The following DIP2C variants were observed in gnomAD, a reference collection of about 807,000 sequenced individuals.
DIP2C encodes the protein DIP2 acetate--CoA ligase C (putative), also known as disco-interacting protein 2 homolog C.
A neutral mutation model predicts 192.4 loss-of-function variants in DIP2C; 33 were observed. The ratio of observed to expected loss-of-function variants is 0.17; its 90% CI spans 0.13 to 0.23. The LOEUF is 0.23. DIP2C is among the 10% of genes least tolerant of loss of function. The pLI, the probability that DIP2C is intolerant of heterozygous loss-of-function variation, is 1.00. For synonymous variants in DIP2C, 979 were observed against 864.1 expected, an observed-to-expected ratio of 1.13 and a Z score of -2.33; for missense variants, 1,537 against 2,110.1, an observed-to-expected ratio of 0.73 and a Z score of 5.32.
intron 6 of DIP2C, among the ~76,000 whole-genome samples, chr10:417,842 AC>A (rs1281834914): frequency 1.8e-5 from 1 of 54,638 alleles, no homozygotes; most frequent in African/African-American, 1.3e-4. Flanking sequence ...CTCCCTGTCC[AC>A]CTGCACCTGT....
chr10:485,049 C>T, intron 2 of DIP2C: 1 of 1,404,642 alleles, frequency 7.1e-7, no homozygotes, highest in Non-Finnish European at 9.5e-7. Context: ...GGACAGCACA[C>T]AGACCACCAA....
chr10:550,452 G>A (rs1848525091), intron 1 of DIP2C, among the ~76,000 whole-genome samples: 1 of 152,184 alleles, frequency 6.6e-6, no homozygotes, highest in Non-Finnish European at 1.5e-5. Flanking sequence ...CACCGCAGAA[G>A]GATCTATGGA....
intron 7 of DIP2C, among the ~76,000 whole-genome samples, chr10:414,430 T>G (rs1965403146): frequency 6.6e-6 from 1 of 152,174 alleles, no homozygotes. Flanking sequence ...TGCTGAAATT[T>G]CCATTACCAA....
chr10:496,015 G>A (rs1347973110), intron 1 of DIP2C, among the ~76,000 whole-genome samples: 1 of 139,426 alleles, frequency 7.2e-6, no homozygotes, highest in Non-Finnish European at 1.5e-5. Flanking sequence ...AGAACCCACG[G>A]TGCCCTCCTG....
At chr10:372,343 G>A (rs1325150015) in intron 17 of DIP2C, among the ~76,000 whole-genome samples, 1 of 152,154 alleles carries the variant, frequency 6.6e-6, no homozygotes, top group African/African-American at 2.4e-5. Flanking sequence ...CCAAGGTGTT[G>A]GAATTACAGG....
chr10:420,871 C>A (rs973953798), intron 5 of DIP2C, among the ~76,000 whole-genome samples: 2 of 152,290 alleles, frequency 1.3e-5, no homozygotes, highest in African/African-American at 4.8e-5. Flanking sequence ...ACTTCTGTCC[C>A]TTGCCGGAGG....
intron 1 of DIP2C, among the ~76,000 whole-genome samples, chr10:640,691 A>G (rs1855130842): frequency 6.7e-6 from 1 of 149,572 alleles, no homozygotes; most frequent in Non-Finnish European, 1.5e-5. Flanking sequence ...GCGCGCGGGG[A>G]AGAGGCTGCG....
At chr10:436,113 G>C (rs1199623918) in intron 4 of DIP2C, among the ~76,000 whole-genome samples, 2 of 152,244 alleles carry the variant, frequency 1.3e-5, no homozygotes, top group South Asian at 2.1e-4. Flanking sequence ...ATTCAGTTCA[G>C]ACCGGGCGCA....
At position 382,668 on chromosome 10, in the gene DIP2C, G is replaced by A. The variant is rs763243915; in HGVS notation, c.1970C>T (p.Ala657Val). 1.2e-6 allele frequency: 2 copies of A among 1,613,788 alleles called. No homozygotes were observed. Among genetic ancestry groups the A allele is most frequent in the Admixed American group, 3.3e-5 (2 of 59,986 alleles). The change falls in exon 17 of 37, where the codon GCC (alanine) becomes GTC (valine). Residue 657 changes from alanine to valine, a missense_variant. This residue lies in a region of DIP2C where 677 missense variants were observed against 989.9 expected (regional missense o/e 0.68). Coordinates refer to ENST00000280886, the MANE Select transcript of DIP2C (RefSeq NM_014974.3). Reference protein sequence around the residue: ...VICPCASSPEALTVAIRRPTD... With the variant: ...VICPCASSPEVLTVAIRRPTD... The stretch of plus-strand genomic sequence containing the variant: ...GTACCTCCGGATGGCCACAGTGAGG[G>A]CCTCTGGCGAGCTGGCACAAGGACA...
At chr10:360,256 CCTCACT>C (rs1401321087) in intron 22 of DIP2C, among the ~76,000 whole-genome samples, 2 of 152,190 alleles carry the variant, frequency 1.3e-5, no homozygotes, top group African/African-American at 4.8e-5. Context: ...TCTAGCTGCA[CCTCACT>C]CTCAAAGTCT....
At chr10:294,521 G>A (rs1283896523) in intron 32 of DIP2C, among the ~76,000 whole-genome samples, 1 of 151,702 alleles carries the variant, frequency 6.6e-6, no homozygotes, top group Non-Finnish European at 1.5e-5. Context: ...CTGAGTTTGT[G>A]AGGCAGAGGT....
At chr10:409,060 C>T (rs558554765) in intron 8 of DIP2C, 43 bp from the exon 9 acceptor site, 63 of 1,593,770 alleles carry the variant, frequency 4.0e-5, no homozygotes, top group East Asian at 1.8e-4. Flanking sequence ...TTAAACCATA[C>T]GGAGAGCACA....
intron 1 of DIP2C, among the ~76,000 whole-genome samples, chr10:565,763 G>A (rs1319534462): frequency 6.6e-6 from 1 of 152,242 alleles, no homozygotes; most frequent in Admixed American, 6.5e-5. Context: ...GCGTAACGGA[G>A]TCGAGCGCAG....
intron 1 of DIP2C, among the ~76,000 whole-genome samples, chr10:615,837 CCCAAA>C (rs1853435804): frequency 1.3e-5 from 2 of 152,132 alleles, no homozygotes; most frequent in South Asian, 4.2e-4. Flanking sequence ...TGTCACTTCA[CCCAAA>C]AGGGCTTTAG....
chr10:366,464 A>G, intron 18 of DIP2C, 53 bp from the exon 19 acceptor site: 1 of 1,610,976 alleles, frequency 6.2e-7, no homozygotes, highest in African/African-American at 1.3e-5. Context: ...GGTGGGGAGA[A>G]TAAAGGAAAC....
Position 366,337 on chromosome 10 carries a change from A to T in DIP2C, c.2206T>A (p.Cys736Ser). 1 of 1,614,196 alleles carries T rather than the reference A, an allele frequency of 6.2e-7. No individual in the cohort carries two copies. The highest frequency in any genetic ancestry group is 8.5e-7 in the Non-Finnish European group (1 of 1,180,024). Residue 736 changes from cysteine (C) to serine (S), a missense_variant, in exon 19 of 37, where the codon TGT becomes AGT. This residue lies in a region of DIP2C where 677 missense variants were observed against 989.9 expected (regional missense o/e 0.68). Transcript: ENST00000280886. ...RTDEIGELCV[C>S]AVATGTSYYG... is the part of the protein sequence containing the mutation. ...TAGGACGTGCCCGTCGCAACTGCAC[A>T]CACACACAGCTCCCCGATCTCATCC...
At chr10:535,661 C>T (rs1292936080) in intron 1 of DIP2C, among the ~76,000 whole-genome samples, 1 of 152,050 alleles carries the variant, frequency 6.6e-6, no homozygotes, top group Non-Finnish European at 1.5e-5. Context: ...TTTATATTAC[C>T]ATCTTTTCTC....
Position 277,165 on chromosome 10 carries a change from T to C in DIP2C, c.*160A>G. The C allele has an allele frequency of 9.4e-7, 1 of 1,066,044 alleles. No individual in the cohort carries two copies. The highest frequency in any genetic ancestry group is 1.7e-5 in the South Asian group (1 of 58,172). The allele number at this position is 1,066,044 out of a possible 1,614,324, so 66.0% of individuals were successfully genotyped here. On this transcript the variant is annotated 3_prime_UTR_variant, in exon 37 of 37. Coordinates refer to ENST00000280886, the MANE Select transcript of DIP2C (RefSeq NM_014974.3). ...TCACATTTCACCCCCATGCCAATCG[T>C]GGCTGCTGTGAGAAGTCCTCTTCCT...
chr10:303,740 C>G (rs1407117247), intron 32 of DIP2C, among the ~76,000 whole-genome samples: 1 of 152,188 alleles, frequency 6.6e-6, no homozygotes, highest in Non-Finnish European at 1.5e-5. Flanking sequence ...TCAGGCTGGT[C>G]TCGAACTCCC....
Sources: gnomAD v4.1 joint callset for allele counts (sites outside exome capture counted in the v4.1 genomes callset) on GRCh38, gnomAD v4.1.1 for gene constraint, gnomAD v4.1.1 regional missense constraint, MANE v1.5 for transcripts, NCBI Gene and HGNC (gene_info 2026-07-23, HGNC 2026-07-21) for gene names.